Variants in ADAM20 observed in about 807,000 individuals in gnomAD.
ADAM20 encodes ADAM metallopeptidase domain 20.
For missense variants in ADAM20, 871 were observed against 883.2 expected (o/e 0.99, Z 0.18); for synonymous variants, 305 against 310.2 (o/e 0.98, Z 0.18).
chr14:70,576,304 C>T, the ADAM20 span, among the ~76,000 whole-genome samples: 5 of 152,192 alleles, frequency 3.3e-5, no homozygotes, highest in East Asian at 1.9e-4. Context: ...CTTCTGCAGA[C>T]GTTCAAATAT....
intron 1 of ADAM20, among the ~76,000 whole-genome samples, chr14:70,530,811 C>G (rs1163707735): frequency 6.6e-6 from 1 of 150,946 alleles, no homozygotes; most frequent in Admixed American, 6.6e-5. Context: ...CACAGCATAC[C>G]AAAACTTATA....
Position 70,524,063 on chromosome 14 carries a change from T to C in ADAM20, c.695A>G (p.His232Arg), listed in dbSNP as rs1883523040. The change falls in exon 2 of 2, where the codon CAT becomes CGT. Residue 232 changes from histidine (H) to arginine (R), a missense_variant. By Grantham distance (29) the His-to-Arg change is conservative. Transcript: ENST00000256389. Reference sequence around the variant, plus strand: ...TATATTGACAACGTTAAATACTTCATGCTGCACTGTTGTTGCATTACTTTG... The same window carrying C: ...TATATTGACAACGTTAAATACTTCACGCTGCACTGTTGTTGCATTACTTTG... ...FSQSNATTVQHEVFNVVNIVD... is the reference protein window; with the variant it reads ...FSQSNATTVQREVFNVVNIVD... 6.2e-7 allele frequency: 1 copy of C among 1,614,004 alleles called. No homozygotes were observed. Among genetic ancestry groups the C allele is most frequent in the Non-Finnish European group, 8.5e-7 (1 of 1,179,970 alleles).
the ADAM20 span, among the ~76,000 whole-genome samples, chr14:70,563,704 A>ACCTGCCCCCCT: frequency 2.6e-5 from 4 of 152,018 alleles, no homozygotes; most frequent in Non-Finnish European, 5.9e-5. Context: ...AAAGTGTGGC[A>ACCTGCCCCCCT]CCTGCCCCCC....
chr14:70,576,499 T>C, the ADAM20 span, among the ~76,000 whole-genome samples: 1 of 152,146 alleles, frequency 6.6e-6, no homozygotes, highest in Non-Finnish European at 1.5e-5. Context: ...CCAAATATAA[T>C]ACAAGTTTCA....
intron 1 of ADAM20, among the ~76,000 whole-genome samples, chr14:70,526,091 G>T (rs1252146087): frequency 6.6e-6 from 1 of 152,224 alleles, no homozygotes; most frequent in Non-Finnish European, 1.5e-5. Flanking sequence ...ACCACAATTT[G>T]AGTAGACTTA....
chr14:70,574,468 G>A, the ADAM20 span, among the ~76,000 whole-genome samples: 94 of 151,734 alleles, frequency 6.2e-4, no homozygotes, highest in African/African-American at 1.9e-3. Flanking sequence ...GTGAAACTCC[G>A]TCTCTACTAA....
the ADAM20 span, among the ~76,000 whole-genome samples, chr14:70,576,688 CAGA>C: frequency 1.3e-5 from 2 of 151,964 alleles, no homozygotes; most frequent in East Asian, 3.9e-4. Context: ...AGCAGGGTAA[CAGA>C]AGGAGGTCAG....
the ADAM20 span, among the ~76,000 whole-genome samples, chr14:70,578,019 T>A: frequency 6.6e-6 from 1 of 152,084 alleles, no homozygotes; most frequent in African/African-American, 2.4e-5. Context: ...GAAGAAATAA[T>A]AAATTGGACG....
the ADAM20 span, among the ~76,000 whole-genome samples, chr14:70,559,017 C>T: frequency 1.3e-5 from 2 of 152,166 alleles, no homozygotes; most frequent in Admixed American, 1.3e-4. Context: ...ATGATCTCAT[C>T]CATCTCATGG....
At chr14:70,553,931 G>C in the ADAM20 span, among the ~76,000 whole-genome samples, 1 of 152,156 alleles carries the variant, frequency 6.6e-6, no homozygotes, top group South Asian at 2.1e-4. Context: ...GGAAGTCCTA[G>C]CTAGAGCAAT....
chr14:70,530,966 A>G (rs779007780), intron 1 of ADAM20, among the ~76,000 whole-genome samples: 1 of 152,124 alleles, frequency 6.6e-6, no homozygotes, highest in Non-Finnish European at 1.5e-5. Context: ...AACTACGCTG[A>G]AAGTCAACAG....
chr14:70,533,562 G>A (rs950482599), intron 1 of ADAM20, among the ~76,000 whole-genome samples: 1 of 152,060 alleles, frequency 6.6e-6, no homozygotes, highest in Admixed American at 6.6e-5. Context: ...AGAACAAATG[G>A]ACACAGGGAG....
At chr14:70,572,318 T>C in the ADAM20 span, among the ~76,000 whole-genome samples, 1 of 152,202 alleles carries the variant, frequency 6.6e-6, no homozygotes, top group Non-Finnish European at 1.5e-5. Context: ...ATCTGATCTT[T>C]GACAAGGTTG....
chr14:70,547,408 A>C, the ADAM20 span: 55 of 147,294 alleles, frequency 3.7e-4, no homozygotes, highest in African/African-American at 1.4e-3. Flanking sequence ...TCATCTCACT[A>C]GGGAGTGCCA....
Position 70,524,248 on chromosome 14 carries a change from AG to A in ADAM20, c.509del (p.Pro170LeufsTer2). Reference sequence around the variant, plus strand: ...TCTCTTCTGTTAACCCACATCTCATAGGTGGAAACTGTGTATCATCACTGTC... The same window carrying A: ...TCTCTTCTGTTAACCCACATCTCATAGTGGAAACTGTGTATCATCACTGTC... ...KIDSDDTQFP[P>X]MRCGLTEEKI... On this transcript the variant is annotated frameshift_variant, in exon 2 of 2. Transcript: ENST00000256389. LOFTEE classifies it low-confidence loss of function (END_TRUNC). The A allele has an allele frequency of 6.2e-7, 1 of 1,613,996 alleles. No individual in the cohort carries two copies. The highest frequency in any genetic ancestry group is 8.5e-7 in the Non-Finnish European group (1 of 1,179,934).
the ADAM20 span, among the ~76,000 whole-genome samples, chr14:70,555,981 A>G: frequency 6.6e-6 from 1 of 152,310 alleles, no homozygotes; most frequent in East Asian, 1.9e-4. Flanking sequence ...GTGGCGGCCA[A>G]CAAACCCACG....
intron 1 of ADAM20, among the ~76,000 whole-genome samples, chr14:70,529,086 G>C (rs2139536435): frequency 6.6e-6 from 1 of 152,194 alleles, no homozygotes; most frequent in Non-Finnish European, 1.5e-5. Context: ...CACAATAATA[G>C]TAAGATATTT....
At chr14:70,569,584 C>T in the ADAM20 span, among the ~76,000 whole-genome samples, 1 of 151,742 alleles carries the variant, frequency 6.6e-6, no homozygotes, top group Non-Finnish European at 1.5e-5. Context: ...ATCTATCATG[C>T]AAATGAAAAA....
At chr14:70,562,561 A>C in the ADAM20 span, among the ~76,000 whole-genome samples, 1 of 152,122 alleles carries the variant, frequency 6.6e-6, no homozygotes, top group Admixed American at 6.5e-5. Flanking sequence ...TCCCCATCCA[A>C]ATCTCATGTT....
Sources: gnomAD v4.1 joint callset for allele counts (sites outside exome capture counted in the v4.1 genomes callset) on GRCh38, gnomAD v4.1.1 for gene constraint, MANE v1.5 for transcripts, NCBI Gene and HGNC (gene_info 2026-07-23, HGNC 2026-07-21) for gene names.